Variants in PRKG2 observed in about 807,000 individuals in gnomAD.
PRKG2 encodes the protein cGMP-dependent protein kinase 2.
PRKG2 carries 33 observed loss-of-function variants against 97.2 expected under a neutral mutation model. The ratio of observed to expected loss-of-function variants is 0.34; its 90% CI spans 0.26 to 0.45. PRKG2 has a LOEUF of 0.45. Ranked by LOEUF, PRKG2 falls within the 20% of genes least tolerant of loss-of-function variation. PRKG2 has a pLI of 1.00. For missense variants in PRKG2, 638 were observed against 900.0 expected (o/e 0.71, Z 3.73); for synonymous variants, 330 against 321.8 (o/e 1.03, Z -0.27).
In PRKG2 at chr4:81,189,806, A is replaced by G. The variant is rs938205371; in HGVS notation, c.461+14781T>C. 4.6e-5 allele frequency among the ~76,000 whole-genome samples: 7 copies of G among 152,258 alleles called. No homozygotes were observed. In the East Asian group the frequency reaches 1.2e-3, roughly 25 times the overall value. On this transcript the variant is annotated intron_variant, in intron 2 of 18. Coordinates refer to ENST00000264399, the MANE Select transcript of PRKG2 (RefSeq NM_006259.3). ...AAAAAAACAGACAGAGAGCCAAATCATGAGTGAACTCCCATTCACAATTGC... is the reference window on the plus strand; with the variant it reads ...AAAAAAACAGACAGAGAGCCAAATCGTGAGTGAACTCCCATTCACAATTGC...
intron 12 of PRKG2, 86 bp from the exon 13 acceptor site, chr4:81,137,568 T>C (rs1381222500): frequency 9.8e-7 from 1 of 1,018,994 alleles, no homozygotes; most frequent in Non-Finnish European, 1.5e-6. Context: ...CATCATAACA[T>C]TAGGAACAAT....
At chr4:81,191,260 A>C (rs972817724) in intron 2 of PRKG2, among the ~76,000 whole-genome samples, 7 of 152,238 alleles carry the variant, frequency 4.6e-5, no homozygotes, top group Admixed American at 4.6e-4. Flanking sequence ...GCCATAAAAA[A>C]GGATGAGTTC....
chr4:81,177,501 C>T (rs958013032), intron 2 of PRKG2, among the ~76,000 whole-genome samples: 10 of 152,084 alleles, frequency 6.6e-5, no homozygotes, highest in Admixed American at 4.6e-4. Context: ...GTCAGGAGAT[C>T]GAGACCATCC....
chr4:81,104,461 T>G (rs1054911022), intron 16 of PRKG2, 29 bp from the exon 17 acceptor site: 1 of 1,048,310 alleles, frequency 9.5e-7, no homozygotes, highest in Admixed American at 3.3e-5. Flanking sequence ...AAAGGCAATT[T>G]ATAATAATTA....
chr4:81,153,508 A>C (rs1748623484), intron 7 of PRKG2, 136 bp downstream of exon 7: 1 of 629,092 alleles, frequency 1.6e-6, no homozygotes, highest in Admixed American at 3.0e-5. Flanking sequence ...ACAGAATTGC[A>C]TGGGACTCTA....
At chr4:81,093,183 T>C (rs1741760366) in intron 17 of PRKG2, among the ~76,000 whole-genome samples, 1 of 152,060 alleles carries the variant, frequency 6.6e-6, no homozygotes, top group African/African-American at 2.4e-5. Flanking sequence ...ATCTTCTCAC[T>C]ATTCTCCTAA....
chr4:81,132,368 A>G (rs73832615), intron 14 of PRKG2, among the ~76,000 whole-genome samples: 5,985 of 152,218 alleles, frequency 0.039, 413 homozygotes, highest in African/African-American at 0.14. Flanking sequence ...TATAATATTT[A>G]GGGGTTTCAT....
chr4:81,144,089 GA>G, intron 10 of PRKG2, 142 bp downstream of exon 10: 2 of 629,788 alleles, frequency 3.2e-6, no homozygotes, highest in Non-Finnish European at 5.5e-6. Flanking sequence ...CTTTGTGGAA[GA>G]ACAATTCAAA....
intron 14 of PRKG2, among the ~76,000 whole-genome samples, chr4:81,128,647 T>C (rs1052888864): frequency 5.9e-5 from 9 of 152,218 alleles, no homozygotes; most frequent in Non-Finnish European, 1.3e-4. Flanking sequence ...TGATGGTAGT[T>C]TGTATTTCTG....
chr4:81,174,093 A>C (rs1202601508), intron 3 of PRKG2, among the ~76,000 whole-genome samples: 1 of 152,096 alleles, frequency 6.6e-6, no homozygotes, highest in Admixed American at 6.6e-5. Flanking sequence ...ACAAAAATAA[A>C]TCATTTGCCT....
chr4:81,118,833 C>T (rs1312502151), intron 14 of PRKG2, among the ~76,000 whole-genome samples: 1 of 152,128 alleles, frequency 6.6e-6, no homozygotes, highest in African/African-American at 2.4e-5. Context: ...CTCACTCTGT[C>T]ACCCAGGCTG....
At chr4:81,111,433 T>C (rs11936331) in intron 14 of PRKG2, among the ~76,000 whole-genome samples, 5,712 of 118,904 alleles carry the variant, frequency 0.048, 393 homozygotes, top group African/African-American at 0.24. Context: ...ATTAATATTA[T>C]ATCATGTTAT....
At chr4:81,142,635 A>G (rs1186539766) in intron 11 of PRKG2, among the ~76,000 whole-genome samples, 159 bp downstream of exon 11, 2 of 152,180 alleles carry the variant, frequency 1.3e-5, no homozygotes, top group Non-Finnish European at 2.9e-5. Flanking sequence ...CTGCTACTAT[A>G]CAATATACAG....
chr4:81,150,087 TAGAG>T (rs1375692962), intron 8 of PRKG2, among the ~76,000 whole-genome samples: 1 of 152,052 alleles, frequency 6.6e-6, no homozygotes, highest in Non-Finnish European at 1.5e-5. Flanking sequence ...GAGGTAGAGA[TAGAG>T]ATAGAGATGG....
chr4:81,098,190 T>G (rs548278348), intron 17 of PRKG2, among the ~76,000 whole-genome samples: 73 of 152,244 alleles, frequency 4.8e-4, no homozygotes, highest in African/African-American at 1.7e-3. Flanking sequence ...AGCCTCCCAG[T>G]CTACATCTTT....
In PRKG2 at chr4:81,089,759, A is replaced by G. The variant is rs761943884; in HGVS notation, c.2238T>C (p.Pro746=). The G allele has an allele frequency of 4.3e-6, 7 of 1,613,266 alleles. 1 individual carries two copies. The South Asian group carries it at 6.6e-5, about 15-fold the overall frequency. Residue 746 remains proline (P), a synonymous_variant, in exon 19 of 19, where the codon CCT becomes CCC. Transcript: ENST00000264399. ...GCTCATCTGGAGGCATTCCCTTTTCAGGAGGATATTTGTCAAAGTAGCTGT... is the reference window on the plus strand; with the variant it reads ...GCTCATCTGGAGGCATTCCCTTTTCGGGAGGATATTTGTCAAAGTAGCTGT... ...IDHSYFDKYP[P]EKGMPPDELS...
At chr4:81,094,979 G>A (rs1253688024) in intron 17 of PRKG2, among the ~76,000 whole-genome samples, 1 of 152,148 alleles carries the variant, frequency 6.6e-6, no homozygotes, top group Non-Finnish European at 1.5e-5. Context: ...GCCAGAATGG[G>A]ATGGTGATGC....
At chr4:81,191,498 G>A (rs1752516475) in intron 2 of PRKG2, among the ~76,000 whole-genome samples, 2 of 151,856 alleles carry the variant, frequency 1.3e-5, no homozygotes, top group South Asian at 4.2e-4. Context: ...GGGGTTGATG[G>A]GTGCAGCAAA....
At position 81,194,290 on chromosome 4, in the gene PRKG2, A is replaced by G. The variant is rs532833136; in HGVS notation, c.461+10297T>C. Among the ~76,000 whole-genome samples, 4 of 152,292 alleles carry G rather than the reference A, an allele frequency of 2.6e-5. No homozygotes were observed. The South Asian group carries it at 6.2e-4, about 24-fold the overall frequency. ...TTTAAAAATTATGGGTACAGGGACA[A>G]GAGTGGAGTTGGAAAACGTCAGTCA... On this transcript the variant is annotated intron_variant, in intron 2 of 18. Transcript: ENST00000264399.
Sources: gnomAD v4.1 joint callset for allele counts (sites outside exome capture counted in the v4.1 genomes callset) on GRCh38, gnomAD v4.1.1 for gene constraint, MANE v1.5 for transcripts, NCBI Gene and HGNC (gene_info 2026-07-23, HGNC 2026-07-21) for gene names.